The following FRMD4A variants were observed in gnomAD, a reference collection of about 807,000 sequenced individuals.
FRMD4A encodes the protein FERM domain-containing protein 4A.
FRMD4A carries 29 observed loss-of-function variants against 129.1 expected under a neutral mutation model. The observed-to-expected ratio is 0.22, with a 90% CI of 0.17 to 0.31. The LOEUF is 0.31. Ranked by LOEUF, FRMD4A falls within the 10% of genes least tolerant of loss-of-function variation. The probability of loss-of-function intolerance (pLI) is 1.00; values close to 1 mark genes in which losing one functional copy is unlikely to be tolerated. For synonymous variants in FRMD4A, 634 were observed against 571.6 expected (o/e 1.11, Z -1.56); for missense variants, 1,272 against 1,375.8 (o/e 0.92, Z 1.19).
chr10:14,104,232 C>T (rs1837462285), intron 2 of FRMD4A, among the ~76,000 whole-genome samples: 2 of 152,012 alleles, frequency 1.3e-5, no homozygotes, highest in South Asian at 4.2e-4. Flanking sequence ...CTGAGGTCTA[C>T]ACTGCCATCG....
intron 2 of FRMD4A, among the ~76,000 whole-genome samples, chr10:14,122,450 G>C (rs1589022583): frequency 6.6e-6 from 1 of 152,082 alleles, no homozygotes; most frequent in East Asian, 1.9e-4. Flanking sequence ...ATAAAGAAAA[G>C]AGGTTTAATT....
At chr10:14,010,551 C>T (rs188558921) in intron 2 of FRMD4A, among the ~76,000 whole-genome samples, 20 of 149,718 alleles carry the variant, frequency 1.3e-4, no homozygotes, top group Admixed American at 6.7e-4. Context: ...GTGACCCCCT[C>T]CTTGGAGTGA....
At chr10:14,200,476 A>C (rs1395133519) in intron 2 of FRMD4A, among the ~76,000 whole-genome samples, 2 of 152,112 alleles carry the variant, frequency 1.3e-5, no homozygotes, top group African/African-American at 2.4e-5. Flanking sequence ...TATTTTTAGT[A>C]GAGATGGGGT....
chr10:14,213,961 C>G (rs1272496985), intron 2 of FRMD4A, among the ~76,000 whole-genome samples: 2 of 152,168 alleles, frequency 1.3e-5, no homozygotes, highest in Non-Finnish European at 1.5e-5. Context: ...CAACTTCTGC[C>G]ATGCTGTTCT....
chr10:14,204,417 C>A lies in FRMD4A; in HGVS notation c.45+125641G>T, dbSNP rs148402796. 3.3e-5 allele frequency among the ~76,000 whole-genome samples: 5 copies of A among 150,580 alleles called. No homozygotes were observed. In the East Asian group the frequency reaches 9.7e-4, roughly 29 times the overall value. ...TACTCCAGCCCGAATGACAGTGAGA[C>A]GCAGTCAAAAAAAAAAAATTACTAT... On this transcript the variant is annotated intron_variant, in intron 2 of 24. Transcript: ENST00000357447.
At chr10:14,094,788 C>T (rs929548937) in intron 2 of FRMD4A, among the ~76,000 whole-genome samples, 3 of 152,282 alleles carry the variant, frequency 2.0e-5, no homozygotes, top group South Asian at 2.1e-4. Flanking sequence ...CTCTGCAGCC[C>T]CCCAGAAAGA....
chr10:14,299,825 T>C (rs1357618548), intron 2 of FRMD4A, among the ~76,000 whole-genome samples: 1 of 152,144 alleles, frequency 6.6e-6, no homozygotes, highest in Non-Finnish European at 1.5e-5. Flanking sequence ...ATTAGAAGAA[T>C]ACAGTATGTG....
chr10:14,109,836 G>C (rs539786557), intron 2 of FRMD4A, among the ~76,000 whole-genome samples: 12 of 151,822 alleles, frequency 7.9e-5, no homozygotes, highest in African/African-American at 2.4e-4. Context: ...GCCGGGTGTG[G>C]TGGCGGGCGC....
At chr10:13,797,227 C>T (rs1490160581) in intron 4 of FRMD4A, among the ~76,000 whole-genome samples, 2 of 152,218 alleles carry the variant, frequency 1.3e-5, no homozygotes, top group Non-Finnish European at 2.9e-5. Context: ...CTTTCCACCA[C>T]ACTCCCAGGT....
At chr10:14,182,878 C>A (rs775659170) in intron 2 of FRMD4A, among the ~76,000 whole-genome samples, 1 of 152,262 alleles carries the variant, frequency 6.6e-6, no homozygotes, top group East Asian at 1.9e-4. Flanking sequence ...TGGAAGCAAA[C>A]GTTGGGAGAA....
At chr10:13,956,850 G>T (rs1240581896) in intron 2 of FRMD4A, among the ~76,000 whole-genome samples, 1 of 152,204 alleles carries the variant, frequency 6.6e-6, no homozygotes, top group Non-Finnish European at 1.5e-5. Context: ...GCTACTCCCT[G>T]GTGTTGGCCC....
chr10:13,679,654 G>A (rs555133195), intron 15 of FRMD4A, among the ~76,000 whole-genome samples: 26 of 151,428 alleles, frequency 1.7e-4, no homozygotes, highest in African/African-American at 5.8e-4. Context: ...GCAGCTCCCC[G>A]TGAACCTGCT....
intron 2 of FRMD4A, among the ~76,000 whole-genome samples, chr10:14,244,284 C>T (rs1304666362): frequency 1.3e-5 from 2 of 152,222 alleles, no homozygotes; most frequent in Admixed American, 6.5e-5. Flanking sequence ...CAGACTTCCA[C>T]CCCCTTCCAG....
intron 11 of FRMD4A, 63 bp from the exon 12 acceptor site, chr10:13,737,993 G>A: frequency 1.1e-6 from 1 of 913,752 alleles, no homozygotes; most frequent in South Asian, 1.3e-5. Context: ...ACGCAAAGTG[G>A]AGATTTCCTG....
At chr10:14,311,316 C>G (rs1846539599) in intron 2 of FRMD4A, among the ~76,000 whole-genome samples, 1 of 152,132 alleles carries the variant, frequency 6.6e-6, no homozygotes, top group South Asian at 2.1e-4. Context: ...GTAGAACTGA[C>G]CAATTTAGAT....
At chr10:14,238,188 T>G (rs186938999) in intron 2 of FRMD4A, among the ~76,000 whole-genome samples, 3 of 152,340 alleles carry the variant, frequency 2.0e-5, no homozygotes, top group Admixed American at 1.3e-4. Flanking sequence ...ACTAAGCACC[T>G]TATATGTGGG....
At chr10:14,284,313 G>A (rs1564439590) in intron 2 of FRMD4A, among the ~76,000 whole-genome samples, 1 of 152,096 alleles carries the variant, frequency 6.6e-6, no homozygotes, top group Non-Finnish European at 1.5e-5. Flanking sequence ...AGATAGTGAT[G>A]GTGGTAACTG....
intron 2 of FRMD4A, among the ~76,000 whole-genome samples, chr10:14,198,856 A>C (rs1198831839): frequency 6.6e-6 from 1 of 152,226 alleles, no homozygotes; most frequent in Admixed American, 6.5e-5. Flanking sequence ...CAGTTTTCTC[A>C]TCTATAAAAT....
chr10:14,262,011 C>T (rs1159690834), intron 2 of FRMD4A, among the ~76,000 whole-genome samples: 1 of 151,700 alleles, frequency 6.6e-6, no homozygotes, highest in Non-Finnish European at 1.5e-5. Flanking sequence ...GTTCCCCTCT[C>T]TCTGCTTCTC....
Sources: allele counts gnomAD v4.1 joint callset (sites outside exome capture counted in the v4.1 genomes callset), GRCh38; gene constraint gnomAD v4.1.1; transcripts MANE v1.5; gene names NCBI Gene and HGNC (gene_info 2026-07-23, HGNC 2026-07-21).